The following CNTN3 variants were observed in gnomAD, a reference collection of about 807,000 sequenced individuals.
CNTN3 encodes the protein contactin-3.
A neutral mutation model predicts 119.1 loss-of-function variants in CNTN3; 60 were observed. The ratio of observed to expected loss-of-function variants is 0.50; its 90% CI spans 0.41 to 0.62. The LOEUF (loss-of-function observed/expected upper bound fraction) is 0.62, where lower values mean the gene tolerates loss of function less well. CNTN3 is among the 20% of genes least tolerant of loss of function. The pLI, the probability that CNTN3 is intolerant of heterozygous loss-of-function variation, is 0.00. For synonymous variants in CNTN3, 450 were observed against 438.7 expected, an observed-to-expected ratio of 1.03 and a Z score of -0.32; for missense variants, 1,101 against 1,242.4, an observed-to-expected ratio of 0.89 and a Z score of 1.71.
chr3:74,538,125 A>AAATAC (rs968138309), intron 1 of CNTN3, among the ~76,000 whole-genome samples: 4 of 152,132 alleles, frequency 2.6e-5, no homozygotes, highest in African/African-American at 9.7e-5. Context: ...TGAGTTATAG[A>AAATAC]AATACAGGAG....
intron 1 of CNTN3, among the ~76,000 whole-genome samples, 71 bp downstream of exon 1, chr3:74,614,319 TA>T (rs1288788010): frequency 6.6e-6 from 1 of 152,000 alleles, no homozygotes; most frequent in Non-Finnish European, 1.5e-5. Flanking sequence ...AGCCAGGGCG[TA>T]AAGTTTGCCC....
At chr3:74,466,531 T>C (rs1702463899) in intron 4 of CNTN3, among the ~76,000 whole-genome samples, 1 of 152,178 alleles carries the variant, frequency 6.6e-6, no homozygotes, top group Admixed American at 6.5e-5. Context: ...GGAAAATGTA[T>C]AATTATATGT....
chr3:74,544,598 TG>T lies in CNTN3; in HGVS notation c.-80-23407del, dbSNP rs1479575335. On this transcript the variant is annotated intron_variant, in intron 1 of 22. Transcript: ENST00000263665. The stretch of plus-strand genomic sequence containing the variant: ...ATCCTAGATGAAACTCTTTTTTTGG[TG>T]GGGGGAAAGCAGTGCGGGGGACAGA... 3.3e-5 allele frequency among the ~76,000 whole-genome samples: 5 copies of T among 151,578 alleles called. No individual in the cohort carries two copies. The South Asian group carries it at 1.0e-3, about 32-fold the overall frequency.
chr3:74,580,285 A>G (rs1704483203), intron 1 of CNTN3, among the ~76,000 whole-genome samples: 1 of 152,220 alleles, frequency 6.6e-6, no homozygotes, highest in Non-Finnish European at 1.5e-5. Flanking sequence ...TTCAGGCCAG[A>G]GACCTTAGTC....
intron 2 of CNTN3, among the ~76,000 whole-genome samples, chr3:74,510,120 T>C (rs971341789): frequency 2.0e-5 from 3 of 151,892 alleles, no homozygotes; most frequent in African/African-American, 2.4e-5. Flanking sequence ...GTGTGTTTAC[T>C]TAAGCATCAT....
In CNTN3 at chr3:74,521,345, C is replaced by T. The variant is rs148004453; in HGVS notation, c.-80-153G>A. On this transcript the variant is annotated intron_variant, in intron 1 of 22. Transcript: ENST00000263665. ...ATCTGTTTTGATACAAAATAGAGGA[C>T]GCTTGAAATGTAGATACTTAAAAAA... Among the ~76,000 whole-genome samples, 715 of 150,636 alleles carry T rather than the reference C, an allele frequency of 4.7e-3. 2 individuals carry two copies. The highest frequency in any genetic ancestry group is 0.013 in the African/African-American group (535 of 41,210).
At chr3:74,317,047 T>C (rs531652035) in intron 13 of CNTN3, among the ~76,000 whole-genome samples, 1 of 151,664 alleles carries the variant, frequency 6.6e-6, no homozygotes, top group Admixed American at 6.6e-5. Flanking sequence ...ATATTTAGGA[T>C]AGTTAGCTCT....
intron 2 of CNTN3, among the ~76,000 whole-genome samples, chr3:74,513,856 G>A (rs1703409289): frequency 6.6e-6 from 1 of 151,864 alleles, no homozygotes; most frequent in South Asian, 2.1e-4. Context: ...GGTATAAAGA[G>A]AAAGTAATAA....
intron 5 of CNTN3, among the ~76,000 whole-genome samples, chr3:74,404,741 T>C (rs1044636431): frequency 6.6e-6 from 1 of 151,992 alleles, no homozygotes; most frequent in Non-Finnish European, 1.5e-5. Flanking sequence ...AAGATTTTTC[T>C]ACTGTGTGTT....
At chr3:74,528,068 TA>T (rs1428613240) in intron 1 of CNTN3, among the ~76,000 whole-genome samples, 1 of 151,912 alleles carries the variant, frequency 6.6e-6, no homozygotes, top group East Asian at 1.9e-4. Context: ...AAAGGAAAAC[TA>T]AATGATAAGC....
chr3:74,294,378 C>T (rs897865442), intron 19 of CNTN3, among the ~76,000 whole-genome samples: 2 of 152,142 alleles, frequency 1.3e-5, no homozygotes, highest in African/African-American at 4.8e-5. Flanking sequence ...CTGGTCCTCC[C>T]ATGCCTATTT....
At chr3:74,530,674 A>T (rs1703680589) in intron 1 of CNTN3, among the ~76,000 whole-genome samples, 1 of 151,936 alleles carries the variant, frequency 6.6e-6, no homozygotes, top group African/African-American at 2.4e-5. Flanking sequence ...CCAGACACAC[A>T]GGGGTGAGTG....
At position 74,512,123 on chromosome 3, in the gene CNTN3, A is replaced by G. The variant is rs116559718; in HGVS notation, c.55+8935T>C. 6.3e-3 allele frequency among the ~76,000 whole-genome samples: 965 copies of G among 152,266 alleles called. 14 individuals carry two copies. The highest frequency in any genetic ancestry group is 0.022 in the African/African-American group (926 of 41,554). On this transcript the variant is annotated intron_variant, in intron 2 of 22. Transcript: ENST00000263665. ...TCATTGCAGCAGTGGCAATGCAATA[A>G]ATGTTATTTGATATTATTATTGCAT...
intron 13 of CNTN3, among the ~76,000 whole-genome samples, chr3:74,314,229 G>A (rs568478785): frequency 3.6e-4 from 55 of 152,132 alleles, no homozygotes; most frequent in African/African-American, 1.3e-3. Context: ...GGCAGCAAGT[G>A]AGGAAGGCAA....
At chr3:74,464,296 A>T (rs1481740023) in intron 4 of CNTN3, among the ~76,000 whole-genome samples, 1 of 152,212 alleles carries the variant, frequency 6.6e-6, no homozygotes, top group Non-Finnish European at 1.5e-5. Context: ...ATCTACATTT[A>T]TTAAGCAGCC....
At chr3:74,586,950 T>C (rs937380656) in intron 1 of CNTN3, among the ~76,000 whole-genome samples, 1 of 152,064 alleles carries the variant, frequency 6.6e-6, no homozygotes, top group Non-Finnish European at 1.5e-5. Flanking sequence ...TGCCTTGACT[T>C]GACTATGGTG....
chr3:74,402,776 C>T (rs12152511), intron 5 of CNTN3, among the ~76,000 whole-genome samples: 63,643 of 151,936 alleles, frequency 0.42, 13,582 homozygotes, highest in East Asian at 0.58. Flanking sequence ...CAATAAAGAG[C>T]GACTGGGAAG....
intron 5 of CNTN3, among the ~76,000 whole-genome samples, chr3:74,381,128 A>T (rs2106810493): frequency 6.6e-6 from 1 of 151,312 alleles, no homozygotes; most frequent in South Asian, 2.1e-4. Context: ...ACGCACGCAC[A>T]GTACTTTTGT....
At chr3:74,305,638 A>G (rs1417194068) in intron 13 of CNTN3, among the ~76,000 whole-genome samples, 1 of 151,730 alleles carries the variant, frequency 6.6e-6, no homozygotes, top group African/African-American at 2.4e-5. Context: ...TATGAACCAG[A>G]TGGAAAGGAG....
Sources: gnomAD v4.1 joint callset for allele counts (sites outside exome capture counted in the v4.1 genomes callset) on GRCh38, gnomAD v4.1.1 for gene constraint, MANE v1.5 for transcripts, NCBI Gene and HGNC (gene_info 2026-07-23, HGNC 2026-07-21) for gene names.